The following RFFL variants were observed in gnomAD, a reference collection of about 807,000 sequenced individuals.
The protein encoded by RFFL is E3 ubiquitin-protein ligase rififylin.
A neutral mutation model predicts 40.4 loss-of-function variants in RFFL; 16 were observed. The observed-to-expected ratio is 0.40, with a 90% CI of 0.27 to 0.60. RFFL has a LOEUF of 0.60. Ranked by LOEUF, RFFL falls within the 20% of genes least tolerant of loss-of-function variation. The pLI is 0.47. For missense variants in RFFL, 367 were observed against 451.7 expected, an observed-to-expected ratio of 0.81 and a Z score of 1.70; for synonymous variants, 154 against 167.9, an observed-to-expected ratio of 0.92 and a Z score of 0.64.
At chr17:35,064,191 C>G (rs369000630), upstream of RFFL, among the ~76,000 whole-genome samples, 838 of 152,300 alleles carry the variant, frequency 5.5e-3, 6 homozygotes, top group African/African-American at 0.019. Flanking sequence ...TTTGTCAGTT[C>G]TAACCAGGCT....
chr17:35,027,798 C>G (rs771169975), intron 1 of RFFL, among the ~76,000 whole-genome samples: 1 of 151,094 alleles, frequency 6.6e-6, no homozygotes, highest in Admixed American at 6.6e-5. Context: ...TTTGGGAGGC[C>G]AAGGCGGGTG....
chr17:35,075,463 T>C (rs969111853), intron 1 of RFFL, among the ~76,000 whole-genome samples: 5 of 152,216 alleles, frequency 3.3e-5, no homozygotes, highest in African/African-American at 1.2e-4. Context: ...ATATAGCTAG[T>C]AATTTAGACA....
intron 1 of RFFL, among the ~76,000 whole-genome samples, chr17:35,078,304 T>G (rs185728881): frequency 1.3e-5 from 2 of 152,302 alleles, no homozygotes; most frequent in Admixed American, 1.3e-4. Flanking sequence ...TATTTGATTT[T>G]TATTATTTTT....
At chr17:35,050,784 C>T (rs566813408) in intron 1 of RFFL, among the ~76,000 whole-genome samples, 146 of 152,266 alleles carry the variant, frequency 9.6e-4, no homozygotes, top group African/African-American at 3.4e-3. Context: ...ACCAGCCTGA[C>T]CAACATGTAG....
chr17:35,012,165 G>C lies in RFFL; in HGVS notation c.911-16C>G. The C allele has an allele frequency of 6.2e-7, 1 of 1,606,068 alleles. No individual in the cohort carries two copies. Among genetic ancestry groups the C allele is most frequent in the East Asian group, 2.2e-5 (1 of 44,822 alleles). ...ACTGCTCCCCCTGTACAAACACACA[G>C]GGCAGAAAAAAAGGGGCAGAGGAGT... On this transcript the variant is annotated splice_polypyrimidine_tract_variant and intron_variant, in intron 6 of 6. Transcript: ENST00000394597.
intron 2 of RFFL, among the ~76,000 whole-genome samples, chr17:35,025,621 T>C (rs1597816909): frequency 6.6e-6 from 1 of 152,386 alleles, no homozygotes; most frequent in Admixed American, 6.5e-5. Flanking sequence ...CATCATATCC[T>C]ATCACTTATT....
intron 3 of RFFL, chr17:35,018,786 G>A (rs568747602): frequency 3.3e-5 from 5 of 152,338 alleles, no homozygotes; most frequent in East Asian, 1.9e-4. Context: ...CATCAACAAC[G>A]TTTTCTCTTA....
intron 1 of RFFL, among the ~76,000 whole-genome samples, chr17:35,046,061 A>G (rs1355075041): frequency 6.6e-6 from 1 of 151,786 alleles, no homozygotes; most frequent in East Asian, 1.9e-4. Flanking sequence ...CTGCACAATT[A>G]TGATTCCGGG....
intron 1 of RFFL, chr17:35,077,019 A>G (rs1355390071): frequency 3.4e-6 from 1 of 290,932 alleles, no homozygotes; most frequent in East Asian, 9.9e-5. Context: ...AATTTCAACA[A>G]TTAGTAACAC....
intron 1 of RFFL, among the ~76,000 whole-genome samples, chr17:35,061,433 T>TCA (rs2091290316): frequency 6.6e-6 from 1 of 152,162 alleles, no homozygotes; most frequent in Non-Finnish European, 1.5e-5. Context: ...CTAAAAGTAT[T>TCA]CACACACAAA....
At chr17:35,052,142 T>C (rs1168809956) in intron 1 of RFFL, among the ~76,000 whole-genome samples, 1 of 152,230 alleles carries the variant, frequency 6.6e-6, no homozygotes, top group Non-Finnish European at 1.5e-5. Context: ...TGTGGTTTCC[T>C]GCATTATTTC....
At chr17:35,017,656 G>T in intron 3 of RFFL, 50 bp from the exon 4 acceptor site, 1 of 1,219,912 alleles carries the variant, frequency 8.2e-7, no homozygotes, top group Non-Finnish European at 1.2e-6. Flanking sequence ...CCAGAGATCT[G>T]CATAGCATGG....
intron 1 of RFFL, among the ~76,000 whole-genome samples, chr17:35,039,846 T>G (rs1478270830): frequency 6.6e-6 from 1 of 151,974 alleles, no homozygotes; most frequent in African/African-American, 2.4e-5. Flanking sequence ...CCCAGCTAAT[T>G]TTGTATTTTT....
intron 1 of RFFL, among the ~76,000 whole-genome samples, chr17:35,053,660 C>T (rs1159251740): frequency 1.3e-5 from 2 of 152,126 alleles, no homozygotes; most frequent in African/African-American, 2.4e-5. Context: ...ATCACTGGGA[C>T]AATGAAATGC....
chr17:35,042,178 C>G (rs1227700251), intron 1 of RFFL: 1 of 152,272 alleles, frequency 6.6e-6, no homozygotes, highest in Middle Eastern at 3.4e-3. Flanking sequence ...TTTATACCAA[C>G]AGCATAATTA....
intron 1 of RFFL, among the ~76,000 whole-genome samples, chr17:35,061,026 C>T (rs527344985): frequency 6.6e-6 from 1 of 152,204 alleles, no homozygotes; most frequent in Admixed American, 6.5e-5. Flanking sequence ...ATGGTATATC[C>T]ATGGAATGTT....
chr17:35,064,270 T>A (rs1196850185), upstream of RFFL, among the ~76,000 whole-genome samples: 1 of 152,012 alleles, frequency 6.6e-6, no homozygotes, highest in East Asian at 1.9e-4. Context: ...AGTTCTCTCA[T>A]TAAGATAGAT....
rs1023508094 is a variant in RFFL, at chr17:35,012,008, C to A, written c.1052G>T (p.Arg351Leu). The A allele has an allele frequency of 3.0e-5, 48 of 1,614,046 alleles. No homozygotes were observed. The highest frequency in any genetic ancestry group is 3.6e-5 in the Non-Finnish European group (42 of 1,180,040). ...ATGCACAGCTCGGATTACATACTGC[C>A]GGCAGATGGGACATTCATTCATGCG... ...GKRMNECPIC[R>L]QYVIRAVHVF... Residue 351 changes from arginine (R) to leucine (L), a missense_variant, in exon 7 of 7, where the codon CGG becomes CTG. Coordinates refer to ENST00000394597, the MANE Select transcript of RFFL (RefSeq NM_001017368.2).
chr17:35,034,121 T>C (rs981470669), intron 1 of RFFL, among the ~76,000 whole-genome samples: 1 of 150,312 alleles, frequency 6.7e-6, no homozygotes, highest in African/African-American at 2.5e-5. Context: ...CCAGTCTGGG[T>C]GACAGAGCGA....
Sources: gnomAD v4.1 joint callset for allele counts (sites outside exome capture counted in the v4.1 genomes callset) on GRCh38, gnomAD v4.1.1 for gene constraint, MANE v1.5 for transcripts, NCBI Gene and HGNC (gene_info 2026-07-23, HGNC 2026-07-21) for gene names.